The following ADNP2 variants were observed in gnomAD, a reference collection of about 807,000 sequenced individuals.
ADNP2 encodes ADNP homeobox 2, also known as activity-dependent neuroprotector homeobox protein 2.
Under a neutral mutation model 16.4 loss-of-function variants are expected in ADNP2, and 8 were observed. The ratio of observed to expected loss-of-function variants is 0.49; its 90% CI spans 0.29 to 0.88. The LOEUF (loss-of-function observed/expected upper bound fraction) is 0.88, where lower values mean the gene tolerates loss of function less well. Among genes scored for constraint, ADNP2 ranks in the 40% least tolerant of loss-of-function variants. The pLI, the probability that ADNP2 is intolerant of heterozygous loss-of-function variation, is 0.09. For synonymous variants in ADNP2, 637 were observed against 545.8 expected (o/e 1.17, Z -2.33); for missense variants, 1,397 against 1,395.1 (o/e 1.00, Z -0.02).
At position 80,137,348 on chromosome 18, in the gene ADNP2, G is replaced by A. The variant is rs200609585; in HGVS notation, c.1935G>A (p.Pro645=). 113 of 1,614,104 alleles carry A rather than the reference G, an allele frequency of 7.0e-5. No individual in the cohort carries two copies. Among genetic ancestry groups the A allele is most frequent in the Admixed American group, 8.3e-5 (5 of 60,032 alleles). Residue 645 remains proline (P), a synonymous_variant, in exon 4 of 4, where the codon CCG becomes CCA. Transcript: ENST00000262198. This position sits in a 1 kb window ranked among gnomAD's most constrained non-coding sequence, Gnocchi z 4.2. ...APPQMPIQLL[P]SGAAAPMAGS... ...CCCAGATGCCCATCCAGCTCCTGCCGTCAGGTGCAGCTGCACCAATGGCCG... is the reference window on the plus strand; with the variant it reads ...CCCAGATGCCCATCCAGCTCCTGCCATCAGGTGCAGCTGCACCAATGGCCG...
chr18:80,115,308 C>T (rs1023802759), intron 1 of ADNP2, among the ~76,000 whole-genome samples: 10 of 152,272 alleles, frequency 6.6e-5, no homozygotes, highest in African/African-American at 2.4e-4. Context: ...ATGTTCTAGG[C>T]TCATCTTGTC....
At chr18:80,122,427 T>C (rs760934416) in intron 2 of ADNP2, among the ~76,000 whole-genome samples, 2 of 152,210 alleles carry the variant, frequency 1.3e-5, no homozygotes, top group Non-Finnish European at 2.9e-5. Flanking sequence ...TGACATTACT[T>C]TGGGGATTAT....
In ADNP2 at chr18:80,138,939, C is replaced by G; in HGVS notation, c.*130C>G. 1.2e-6 allele frequency: 1 copy of G among 853,144 alleles called. No individual in the cohort carries two copies. Among genetic ancestry groups the G allele is most frequent in the Non-Finnish European group, 1.7e-6 (1 of 595,576 alleles). 52.8% of individuals were successfully genotyped at this position (853,144 alleles called of 1,614,324 possible). ...GTCACTGTGCTGCTCTGCAGAGTTACTTCAGGTGCTGGAGAGACCCCTGTT... is the reference window on the plus strand; with the variant it reads ...GTCACTGTGCTGCTCTGCAGAGTTAGTTCAGGTGCTGGAGAGACCCCTGTT... On this transcript the variant is annotated 3_prime_UTR_variant, in exon 4 of 4. Transcript: ENST00000262198.
At chr18:80,128,560 G>C (rs555256902) in intron 2 of ADNP2, among the ~76,000 whole-genome samples, 4 of 152,318 alleles carry the variant, frequency 2.6e-5, no homozygotes, top group Admixed American at 2.0e-4. Flanking sequence ...TTAGGCAGGA[G>C]AATTGGTTGA....
chr18:80,132,670 C>T (rs2052505207), intron 2 of ADNP2, among the ~76,000 whole-genome samples: 1 of 113,180 alleles, frequency 8.8e-6, no homozygotes, highest in Admixed American at 8.0e-5. Context: ...CCTCTCTCCC[C>T]TCTTCCTCCC....
At chr18:80,119,194 T>C (rs1479882261) in intron 2 of ADNP2, among the ~76,000 whole-genome samples, 3 of 152,204 alleles carry the variant, frequency 2.0e-5, no homozygotes, top group Non-Finnish European at 2.9e-5. Flanking sequence ...CCTTTTTCCA[T>C]GTGAAGTGCG....
Position 80,117,465 on chromosome 18 carries a change from A to G in ADNP2, c.-13-65A>G, listed in dbSNP as rs888084143. On this transcript the variant is annotated intron_variant, in intron 1 of 3. Transcript: ENST00000262198. ...TTCCTAGTGTTTTACCAACCCTGTC[A>G]AAAAATGTATTTTTGTGTATTATAT... 4 of 1,013,710 alleles carry G rather than the reference A, an allele frequency of 3.9e-6. No homozygotes were observed. The African/African-American group carries it at 5.0e-5, about 13-fold the overall frequency. The allele number at this position is 1,013,710 out of a possible 1,614,324, so 62.8% of individuals were successfully genotyped here. A position where few individuals can be genotyped will look rare whatever the true frequency, so the allele number is the denominator to read the frequency against.
At chr18:80,132,522 T>C (rs2052503321) in intron 2 of ADNP2, among the ~76,000 whole-genome samples, 1 of 152,218 alleles carries the variant, frequency 6.6e-6, no homozygotes, top group African/African-American at 2.4e-5. Flanking sequence ...CTTTCATTTC[T>C]CTTTTCCCCT....
intron 2 of ADNP2, among the ~76,000 whole-genome samples, chr18:80,129,364 A>G (rs1407645419): frequency 6.6e-6 from 1 of 152,078 alleles, no homozygotes; most frequent in African/African-American, 2.4e-5. Context: ...CAGCCTCCCA[A>G]AGTGCTGGGA....
Position 80,138,811 on chromosome 18 carries a change from ACTTG to A in ADNP2, c.*4_*7del, listed in dbSNP as rs1568417607. Reference sequence around the variant, plus strand: ...TTGAACTTTGAATATGAACCATAAAACTTGCAAAAAAAAAAAAAAGTAACTCTAA... The same window carrying A: ...TTGAACTTTGAATATGAACCATAAAACAAAAAAAAAAAAAAGTAACTCTAA... On this transcript the variant is annotated 3_prime_UTR_variant, in exon 4 of 4. Coordinates refer to ENST00000262198, the MANE Select transcript of ADNP2 (RefSeq NM_014913.4). 7.2e-7 allele frequency: 1 copy of A among 1,391,526 alleles called. No individual in the cohort carries two copies. Among genetic ancestry groups the A allele is most frequent in the Non-Finnish European group, 9.3e-7 (1 of 1,078,514 alleles). The allele number at this position is 1,391,526 out of a possible 1,614,324, so 86.2% of individuals were successfully genotyped here.
In ADNP2 at chr18:80,134,758, G is replaced by A. The variant is rs142972684; in HGVS notation, c.199-854G>A. Among the ~76,000 whole-genome samples, 974 of 152,312 alleles carry A rather than the reference G, an allele frequency of 6.4e-3. 12 individuals carry two copies. The highest frequency in any genetic ancestry group is 0.018 in the African/African-American group (764 of 41,560). ...TTTAAATAGAAATCCCATATGGTCAGTGTTGCGTTCTGTGGCCTTACCCTT... is the reference window on the plus strand; with the variant it reads ...TTTAAATAGAAATCCCATATGGTCAATGTTGCGTTCTGTGGCCTTACCCTT... On this transcript the variant is annotated intron_variant, in intron 3 of 3. Coordinates refer to ENST00000262198, the MANE Select transcript of ADNP2 (RefSeq NM_014913.4).
At chr18:80,112,867 C>G (rs916247636) in intron 1 of ADNP2, among the ~76,000 whole-genome samples, 1 of 152,202 alleles carries the variant, frequency 6.6e-6, no homozygotes, top group East Asian at 1.9e-4. Flanking sequence ...AATTTAGCTT[C>G]CCTGTTTCAG....
chr18:80,138,917 A>C lies in ADNP2; in HGVS notation c.*108A>C. On this transcript the variant is annotated 3_prime_UTR_variant, in exon 4 of 4. Coordinates refer to ENST00000262198, the MANE Select transcript of ADNP2 (RefSeq NM_014913.4). ...TGTTGGTGAATCAACCTCAGTGGTC[A>C]CTGTGCTGCTCTGCAGAGTTACTTC... 1 of 1,075,244 alleles carries C rather than the reference A, an allele frequency of 9.3e-7. No homozygotes were observed. Among genetic ancestry groups the C allele is most frequent in the East Asian group, 2.7e-5 (1 of 37,578 alleles). 66.6% of individuals were successfully genotyped at this position (1,075,244 alleles called of 1,614,324 possible).
At chr18:80,113,578 A>T (rs1285329710) in intron 1 of ADNP2, among the ~76,000 whole-genome samples, 1 of 152,150 alleles carries the variant, frequency 6.6e-6, no homozygotes, top group South Asian at 2.1e-4. Flanking sequence ...AGAACCTCCT[A>T]GCACTTTCTG....
At position 80,117,776 on chromosome 18, in the gene ADNP2, A is replaced by C. The variant is rs544075219; in HGVS notation, c.108+126A>C. The C allele has an allele frequency of 1.9e-5, 12 of 646,996 alleles. No individual in the cohort carries two copies. In the East Asian group the frequency reaches 3.4e-4, roughly 18 times the overall value. The allele number at this position is 646,996 out of a possible 1,614,324, so 40.1% of individuals were successfully genotyped here. On this transcript the variant is annotated intron_variant, in intron 2 of 3. Coordinates refer to ENST00000262198, the MANE Select transcript of ADNP2 (RefSeq NM_014913.4). Reference sequence around the variant, plus strand: ...CTTCAGATGGCTGTGTGAAAGCCTCATTAGTACTTATTTATGTCTTTATGA... The same window carrying C: ...CTTCAGATGGCTGTGTGAAAGCCTCCTTAGTACTTATTTATGTCTTTATGA...
chr18:80,117,182 G>T (rs772320706), intron 1 of ADNP2, among the ~76,000 whole-genome samples: 1 of 152,020 alleles, frequency 6.6e-6, no homozygotes, highest in Non-Finnish European at 1.5e-5. Flanking sequence ...TTTAATTTTG[G>T]TGAAGTCCAT....
chr18:80,135,957 T>C lies in ADNP2; in HGVS notation c.544T>C (p.Leu182=). The C allele has an allele frequency of 6.2e-7, 1 of 1,614,228 alleles. No individual in the cohort carries two copies. The highest frequency in any genetic ancestry group is 8.5e-7 in the Non-Finnish European group (1 of 1,180,036). ...TGTGCTGGTAGCCCATTTTCACTAC[T>C]TAATTAACTCCTACTTTGGCCTAAG... ...KHVLVAHFHY[L]INSYFGLRTE... is the part of the protein sequence containing the mutation. Residue 182 remains leucine (L), a synonymous_variant, in exon 4 of 4, where the codon TTA becomes CTA. Transcript: ENST00000262198.
chr18:80,123,781 G>C (rs1374784428), intron 2 of ADNP2, among the ~76,000 whole-genome samples: 1 of 151,530 alleles, frequency 6.6e-6, no homozygotes, highest in South Asian at 2.1e-4. Context: ...CCAGGCTGGA[G>C]TGCAGTGGCA....
rs141912054 is a variant in ADNP2 at position 80,134,171 on chromosome 18, C to G, written c.198+979C>G. On this transcript the variant is annotated intron_variant, in intron 3 of 3. Coordinates refer to ENST00000262198, the MANE Select transcript of ADNP2 (RefSeq NM_014913.4). Reference sequence around the variant, plus strand: ...CTACAGGATGCCTCATTTAGCAGATCTTGACTTCATGAATAGCAAGCCCCA... The same window carrying G: ...CTACAGGATGCCTCATTTAGCAGATGTTGACTTCATGAATAGCAAGCCCCA... Among the ~76,000 whole-genome samples the G allele has an allele frequency of 3.7e-3, 556 of 152,224 alleles. 2 individuals carry two copies. Among genetic ancestry groups the G allele is most frequent in the Non-Finnish European group, 6.3e-3 (431 of 68,018 alleles).
Sources: gnomAD v4.1 joint callset for allele counts (sites outside exome capture counted in the v4.1 genomes callset) on GRCh38, gnomAD v4.1.1 for gene constraint, Gnocchi (gnomAD v3.1) non-coding constraint, MANE v1.5 for transcripts, NCBI Gene and HGNC (gene_info 2026-07-23, HGNC 2026-07-21) for gene names.